Variants in CCSER1 observed in about 807,000 individuals in gnomAD.
CCSER1 encodes coiled-coil serine rich protein 1.
In CCSER1, 41 loss-of-function variants were observed where a neutral mutation model predicts 82.0. That is an observed-to-expected ratio of 0.50 (90% CI 0.39 to 0.65). CCSER1 has a LOEUF of 0.65. Among genes scored for constraint, CCSER1 ranks in the 30% least tolerant of loss-of-function variants. The pLI, the probability that CCSER1 is intolerant of heterozygous loss-of-function variation, is 0.00. For missense variants in CCSER1, 1,119 were observed against 1,064.2 expected (o/e 1.05, Z -0.72); for synonymous variants, 414 against 383.9 (o/e 1.08, Z -0.92).
intron 5 of CCSER1, among the ~76,000 whole-genome samples, chr4:90,520,121 A>C (rs1421718617): frequency 6.6e-6 from 1 of 151,994 alleles, no homozygotes; most frequent in African/African-American, 2.4e-5. Context: ...GAGGTAACCT[A>C]TGATAACAGT....
At chr4:90,895,750 A>G (rs1723615630) in intron 8 of CCSER1, among the ~76,000 whole-genome samples, 1 of 151,858 alleles carries the variant, frequency 6.6e-6, no homozygotes, top group African/African-American at 2.4e-5. Flanking sequence ...AAAGTTGTAT[A>G]TATTATATAT....
At chr4:91,411,446 T>C (rs1385405440) in intron 10 of CCSER1, among the ~76,000 whole-genome samples, 1 of 138,878 alleles carries the variant, frequency 7.2e-6, no homozygotes, top group Non-Finnish European at 1.5e-5. Context: ...ACCTTCCAGA[T>C]AAAACTATCT....
chr4:91,035,484 A>G (rs1741357144), intron 9 of CCSER1, among the ~76,000 whole-genome samples: 1 of 152,208 alleles, frequency 6.6e-6, no homozygotes, highest in Non-Finnish European at 1.5e-5. Flanking sequence ...GTGCCAAAGC[A>G]CAGCTCTGAA....
intron 1 of CCSER1, among the ~76,000 whole-genome samples, chr4:90,220,661 G>A (rs940323403): frequency 2.0e-5 from 3 of 152,114 alleles, no homozygotes; most frequent in Admixed American, 2.0e-4. Flanking sequence ...GGCCAATCTT[G>A]TGCATTTGCG....
At chr4:90,862,149 C>T (rs1261750454) in intron 8 of CCSER1, among the ~76,000 whole-genome samples, 2 of 151,334 alleles carry the variant, frequency 1.3e-5, no homozygotes, top group African/African-American at 4.8e-5. Flanking sequence ...TTTCTGAGTA[C>T]AATTTATTAT....
Position 90,573,706 on chromosome 4 carries a change from C to T in CCSER1, c.1725-54319C>T, listed in dbSNP as rs1397661271. On this transcript the variant is annotated intron_variant, in intron 5 of 10. Transcript: ENST00000509176. ...GCTGGAGGGTCCTACTTCACCCCTC[C>T]CCCTCATATTTTTAATTTTAAAAGA... 2.0e-5 allele frequency among the ~76,000 whole-genome samples: 3 copies of T among 152,012 alleles called. No homozygotes were observed. In the East Asian group the frequency reaches 5.8e-4, roughly 29 times the overall value.
rs116078712 is a variant in CCSER1, at chr4:91,008,660, T to C, written c.2173-77290T>C. ...TCTTGTTTTTTTAATCCATTCTGCT[T>C]TTCTGTGTCTTTGATTGGAGAATTT... On this transcript the variant is annotated intron_variant, in intron 9 of 10. Transcript: ENST00000509176. 1.5e-3 allele frequency among the ~76,000 whole-genome samples: 230 copies of C among 152,282 alleles called. 1 individual carries two copies. Among genetic ancestry groups the C allele is most frequent in the African/African-American group, 5.3e-3 (220 of 41,554 alleles).
In CCSER1 at chr4:91,010,622, C is replaced by A. The variant is rs934872584; in HGVS notation, c.2173-75328C>A. Among the ~76,000 whole-genome samples, 2 of 134,826 alleles carry A rather than the reference C, an allele frequency of 1.5e-5. 1 individual carries two copies. The highest frequency in any genetic ancestry group is 1.5e-4 in the Admixed American group (2 of 13,620). 88.5% of individuals were successfully genotyped at this position (134,826 alleles called of 152,430 possible). ...TTTTTCATTCTTATTTCATTTTTAT[C>A]CTCTGACTGGGTAATTTTACATGAT... On this transcript the variant is annotated intron_variant, in intron 9 of 10. Transcript: ENST00000509176.
chr4:90,625,548 G>A (rs1245123321), intron 5 of CCSER1, among the ~76,000 whole-genome samples: 1 of 152,040 alleles, frequency 6.6e-6, no homozygotes, highest in Non-Finnish European at 1.5e-5. Flanking sequence ...TTCATGTAGA[G>A]ATAAAATGTT....
At chr4:91,387,480 T>C (rs1751370524) in intron 10 of CCSER1, among the ~76,000 whole-genome samples, 1 of 152,036 alleles carries the variant, frequency 6.6e-6, no homozygotes. Flanking sequence ...TGTCTGAACA[T>C]TTAAGAAGAT....
At chr4:90,261,695 TCAAA>T (rs1454360477) in intron 1 of CCSER1, among the ~76,000 whole-genome samples, 1 of 152,308 alleles carries the variant, frequency 6.6e-6, no homozygotes, top group East Asian at 1.9e-4. Flanking sequence ...AAATATCTTT[TCAAA>T]CTTTTAGTCT....
intron 10 of CCSER1, among the ~76,000 whole-genome samples, chr4:91,582,186 G>A (rs1393520999): frequency 6.6e-6 from 1 of 151,352 alleles, no homozygotes; most frequent in East Asian, 1.9e-4. Context: ...GCTATTTTTT[G>A]AAAATGATTG....
intron 7 of CCSER1, among the ~76,000 whole-genome samples, chr4:90,774,598 T>C (rs1299918018): frequency 2.0e-5 from 3 of 152,158 alleles, no homozygotes; most frequent in Non-Finnish European, 4.4e-5. Context: ...TCACTAAGAA[T>C]TGATCTGATA....
intron 5 of CCSER1, among the ~76,000 whole-genome samples, chr4:90,586,598 A>T (rs373751652): frequency 1.3e-5 from 2 of 152,232 alleles, no homozygotes; most frequent in Non-Finnish European, 1.5e-5. Context: ...ATTGCTTAAT[A>T]TCCTACAGGG....
rs140067163 is a variant in CCSER1, at chr4:91,553,725, G to A, written c.2218-44847G>A. On this transcript the variant is annotated intron_variant, in intron 10 of 10. Coordinates refer to ENST00000509176, the MANE Select transcript of CCSER1 (RefSeq NM_001145065.2). ...TGTTGTTGCTCAATTACTTATAGTA[G>A]CCTCATAATCTTTCTAATTCTGCAG... Among the ~76,000 whole-genome samples the A allele has an allele frequency of 3.0e-4, 45 of 150,598 alleles. No homozygotes were observed. In the East Asian group the frequency reaches 8.3e-3, roughly 28 times the overall value.
chr4:91,279,877 A>C (rs1742775882), intron 10 of CCSER1, among the ~76,000 whole-genome samples: 1 of 151,500 alleles, frequency 6.6e-6, no homozygotes, highest in Non-Finnish European at 1.5e-5. Context: ...ACTTCTTTCT[A>C]TTTTTTGAAT....
At chr4:90,362,537 C>A (rs1252108468) in intron 3 of CCSER1, among the ~76,000 whole-genome samples, 2 of 152,142 alleles carry the variant, frequency 1.3e-5, no homozygotes, top group African/African-American at 2.4e-5. Flanking sequence ...TGATTTCTAG[C>A]TCTTATTCAA....
chr4:91,547,360 T>G (rs755508553), intron 10 of CCSER1, among the ~76,000 whole-genome samples: 2 of 152,192 alleles, frequency 1.3e-5, no homozygotes, highest in African/African-American at 2.4e-5. Flanking sequence ...CAGGTTTTGT[T>G]TCACATATTT....
intron 10 of CCSER1, among the ~76,000 whole-genome samples, chr4:91,581,978 CTTG>C (rs887484422): frequency 6.6e-6 from 1 of 151,602 alleles, no homozygotes; most frequent in African/African-American, 2.4e-5. Flanking sequence ...TTATTTCTTT[CTTG>C]TTACGATTCT....
Sources: allele counts gnomAD v4.1 joint callset (sites outside exome capture counted in the v4.1 genomes callset), GRCh38; gene constraint gnomAD v4.1.1; transcripts MANE v1.5; gene names NCBI Gene and HGNC (gene_info 2026-07-23, HGNC 2026-07-21).